Variants in MME observed in about 807,000 individuals in gnomAD.
MME encodes membrane metalloendopeptidase.
A neutral mutation model predicts 113.2 loss-of-function variants in MME; 98 were observed. That is an observed-to-expected ratio of 0.87 (90% CI 0.74 to 1.02). The LOEUF (loss-of-function observed/expected upper bound fraction) is 1.02. MME is among the 50% of genes least tolerant of loss of function. MME has a pLI of 0.00. For missense variants in MME, 836 were observed against 896.0 expected (o/e 0.93, Z 0.86); for synonymous variants, 292 against 300.6 (o/e 0.97, Z 0.30).
At chr3:155,079,187 G>A (rs978080920), upstream of MME, among the ~76,000 whole-genome samples, 7 of 152,004 alleles carry the variant, frequency 4.6e-5, no homozygotes, top group African/African-American at 1.7e-4. Flanking sequence ...AAGGAAACGG[G>A]GAGGGAGAGT....
rs1248632440 is a variant in MME at position 155,181,605 on chromosome 3, T to C, written c.*1146T>C. Reference sequence around the variant, plus strand: ...GTGAACTCATTGCTCCCTAAGACTGTGACAACTGTCTAACTTTAGAAGTGC... The same window carrying C: ...GTGAACTCATTGCTCCCTAAGACTGCGACAACTGTCTAACTTTAGAAGTGC... On this transcript the variant is annotated 3_prime_UTR_variant, in exon 23 of 23. Coordinates refer to ENST00000360490, the MANE Select transcript of MME (RefSeq NM_007289.4). The C allele has an allele frequency of 6.6e-6, 1 of 152,142 alleles. No homozygotes were observed. The highest frequency in any genetic ancestry group is 1.5e-5 in the Non-Finnish European group (1 of 68,012). The allele number at this position is 152,142 out of a possible 1,614,324, so 9.4% of individuals were successfully genotyped here.
chr3:155,154,628 G>A (rs909535562), intron 16 of MME, among the ~76,000 whole-genome samples: 11 of 152,178 alleles, frequency 7.2e-5, no homozygotes, highest in African/African-American at 2.4e-4. Context: ...TGGCAGAGAA[G>A]TACCTCGCTT....
chr3:155,053,291 G>C (rs1223498596), intron 1 of MME, among the ~76,000 whole-genome samples: 1 of 152,106 alleles, frequency 6.6e-6, no homozygotes, highest in African/African-American at 2.4e-5. Context: ...CTGTTTTCAT[G>C]CCGCTTTAAA....
intron 16 of MME, among the ~76,000 whole-genome samples, chr3:155,148,891 C>T (rs575650863): frequency 3.9e-5 from 6 of 152,236 alleles, no homozygotes; most frequent in South Asian, 2.1e-4. Context: ...TCTTTAGTTT[C>T]GTCTTATGTC....
intron 17 of MME, among the ~76,000 whole-genome samples, chr3:155,164,039 G>C (rs1722904193): frequency 2.0e-5 from 3 of 151,604 alleles, no homozygotes; most frequent in Admixed American, 6.6e-5. Flanking sequence ...AGCTACTTGA[G>C]AGGCTGAGGT....
chr3:155,172,788 A>G (rs1712131376), intron 22 of MME, among the ~76,000 whole-genome samples, 176 bp downstream of exon 22: 1 of 151,486 alleles, frequency 6.6e-6, no homozygotes, highest in Admixed American at 6.6e-5. Flanking sequence ...CTACATAAGC[A>G]TAGCCTTGGC....
intron 14 of MME, among the ~76,000 whole-genome samples, chr3:155,144,958 A>G (rs1721393167): frequency 1.3e-5 from 2 of 152,352 alleles, no homozygotes; most frequent in Non-Finnish European, 2.9e-5. Flanking sequence ...CAACATTCAC[A>G]TGCATCCTGA....
At chr3:155,069,514 A>G (rs1371965873) in intron 1 of MME, among the ~76,000 whole-genome samples, 1 of 152,228 alleles carries the variant, frequency 6.6e-6, no homozygotes, top group Non-Finnish European at 1.5e-5. Flanking sequence ...TGAAAATCCC[A>G]GTAATTGAAG....
intron 1 of MME, among the ~76,000 whole-genome samples, chr3:155,035,007 T>C (rs910889900): frequency 6.6e-6 from 1 of 152,106 alleles, no homozygotes; most frequent in Admixed American, 6.6e-5. Context: ...AGGAAGGGAA[T>C]GTACCAGCAC....
intron 1 of MME, chr3:155,081,615 TA>T (rs1303058294): frequency 1.4e-5 from 2 of 143,314 alleles, no homozygotes; most frequent in Admixed American, 6.7e-5. Flanking sequence ...CTCAACTTGG[TA>T]TTTTTTTTTT....
At chr3:155,045,525 T>TC (rs1335486771) in intron 1 of MME, among the ~76,000 whole-genome samples, 32 of 145,326 alleles carry the variant, frequency 2.2e-4, no homozygotes, top group African/African-American at 6.2e-4. Context: ...TTAATTATCT[T>TC]TTTTTTTTTT....
chr3:155,095,732 A>G (rs1407254583), intron 3 of MME, among the ~76,000 whole-genome samples: 2 of 152,150 alleles, frequency 1.3e-5, no homozygotes, highest in East Asian at 3.9e-4. Flanking sequence ...AACATTGAAC[A>G]CTAGACATTG....
At chr3:155,118,280 A>G (rs1718793542) in intron 7 of MME, among the ~76,000 whole-genome samples, 1 of 152,164 alleles carries the variant, frequency 6.6e-6, no homozygotes, top group Non-Finnish European at 1.5e-5. Context: ...CATCCAAATC[A>G]ACTTGAAGAA....
At chr3:155,084,787 T>C (rs974213381) in intron 2 of MME, among the ~76,000 whole-genome samples, 1 of 152,204 alleles carries the variant, frequency 6.6e-6, no homozygotes, top group African/African-American at 2.4e-5. Flanking sequence ...CAAAAACAAC[T>C]GATTATTTCA....
At chr3:155,171,608 C>T (rs566819631) in intron 20 of MME, among the ~76,000 whole-genome samples, 3 of 152,256 alleles carry the variant, frequency 2.0e-5, no homozygotes, top group African/African-American at 7.2e-5. Context: ...AGAATAGTTG[C>T]ATTTTATTAT....
intron 4 of MME, 87 bp downstream of exon 4, chr3:155,115,242 A>G: frequency 6.7e-7 from 1 of 1,491,686 alleles, no homozygotes. Context: ...ATTACAAGGA[A>G]TGTCACAGAA....
rs761905435 is a variant in MME at position 155,140,222 on chromosome 3, C to A, written c.887C>A (p.Pro296Gln). The change falls in exon 10 of 23, where the codon CCA becomes CAA. Residue 296 changes from proline (P) to glutamine (Q), a missense_variant. Coordinates refer to ENST00000360490, the MANE Select transcript of MME (RefSeq NM_007289.4). ...GCTAAACCTGAAGATCGAAATGATCCAATGCTTCTGTATAACAAGATGACA... is the reference window on the plus strand; with the variant it reads ...GCTAAACCTGAAGATCGAAATGATCAAATGCTTCTGTATAACAAGATGACA... ...ATAKPEDRNDPMLLYNKMTLA... is the reference protein window; with the variant it reads ...ATAKPEDRNDQMLLYNKMTLA... 3 of 1,612,096 alleles carry A rather than the reference C, an allele frequency of 1.9e-6. No individual in the cohort carries two copies. Among genetic ancestry groups the A allele is most frequent in the Non-Finnish European group, 2.5e-6 (3 of 1,178,986 alleles).
intron 1 of MME, among the ~76,000 whole-genome samples, chr3:155,058,099 A>G (rs1447827897): frequency 6.6e-6 from 1 of 152,204 alleles, no homozygotes. Flanking sequence ...AAACAAACAA[A>G]CAAACAAAAA....
At chr3:155,138,028 T>A in intron 8 of MME, 74 bp from the exon 9 acceptor site, 1 of 1,530,912 alleles carries the variant, frequency 6.5e-7, no homozygotes, top group South Asian at 1.1e-5. Context: ...AATATTGAAA[T>A]GAAAATAAAT....
Sources: gnomAD v4.1 joint callset for allele counts (sites outside exome capture counted in the v4.1 genomes callset) on GRCh38, gnomAD v4.1.1 for gene constraint, MANE v1.5 for transcripts, NCBI Gene and HGNC (gene_info 2026-07-23, HGNC 2026-07-21) for gene names.